Variants in ZPBP observed in about 807,000 individuals in gnomAD.
The protein encoded by ZPBP is zona pellucida-binding protein 1.
A neutral mutation model predicts 44.8 loss-of-function variants in ZPBP; 26 were observed. That is an observed-to-expected ratio of 0.58 (90% confidence interval 0.43 to 0.81). The LOEUF is 0.81. ZPBP is among the 30% of genes least tolerant of loss of function. ZPBP has a pLI of 0.00. For synonymous variants in ZPBP, 174 were observed against 153.2 expected (o/e 1.14, Z -1.00); for missense variants, 409 against 434.0 (o/e 0.94, Z 0.51).
At chr7:49,884,563 C>T (rs186647070) in intron 2 of ZPBP, among the ~76,000 whole-genome samples, 5 of 152,190 alleles carry the variant, frequency 3.3e-5, no homozygotes, top group African/African-American at 1.2e-4. Context: ...AGTTCTAAGA[C>T]AAATATAAAT....
At chr7:50,045,902 C>T (rs1303844686) in intron 4 of ZPBP, among the ~76,000 whole-genome samples, 1 of 152,096 alleles carries the variant, frequency 6.6e-6, no homozygotes, top group African/African-American at 2.4e-5. Flanking sequence ...AACTATACTA[C>T]AAGGCTACAG....
At chr7:50,064,542 G>A (rs112953073) in intron 3 of ZPBP, among the ~76,000 whole-genome samples, 6 of 152,250 alleles carry the variant, frequency 3.9e-5, no homozygotes, top group African/African-American at 1.2e-4. Flanking sequence ...CGCCCAGGGG[G>A]CCAGTTCAGA....
chr7:49,907,304 A>G (rs1383143803), intron 1 of ZPBP, among the ~76,000 whole-genome samples: 1 of 152,224 alleles, frequency 6.6e-6, no homozygotes, highest in Non-Finnish European at 1.5e-5. Flanking sequence ...ATGGGAACAG[A>G]TGGACCTGAC....
chr7:50,058,004 T>G lies in ZPBP; in HGVS notation c.472A>C (p.Lys158Gln). 2 of 1,611,218 alleles carry G rather than the reference T, an allele frequency of 1.2e-6. No individual in the cohort carries two copies. The highest frequency in any genetic ancestry group is 1.7e-6 in the Non-Finnish European group (2 of 1,178,680). ...TACTTCTTACCATATATAGCATATT[T>G]TAGTTGAAGACGTTTAACAATTTCT... ...VEEIVKRLQL[K>Q]YAIYAYREPH... The change falls in exon 4 of 8, where the codon AAA becomes CAA. Residue 158 changes from lysine to glutamine, a missense_variant. Physicochemically the swap from Lys to Gln is moderately conservative, Grantham distance 53. This residue lies in a region of ZPBP where 367 missense variants were observed against 363.1 expected (regional missense o/e 1.01). Coordinates refer to ENST00000046087, the MANE Select transcript of ZPBP (RefSeq NM_007009.3).
chr7:50,060,316 C>T (rs1238787797), intron 3 of ZPBP, among the ~76,000 whole-genome samples: 1 of 152,010 alleles, frequency 6.6e-6, no homozygotes, highest in Non-Finnish European at 1.5e-5. Context: ...AAAATCAGAG[C>T]TGAACTGAAC....
At chr7:49,875,168 G>A (rs1173757175) in intron 2 of ZPBP, among the ~76,000 whole-genome samples, 1 of 151,718 alleles carries the variant, frequency 6.6e-6, no homozygotes, top group African/African-American at 2.4e-5. Flanking sequence ...TCAGGAGTTC[G>A]AGACTAGCCT....
chr7:50,040,484 T>C (rs377479724), intron 4 of ZPBP, among the ~76,000 whole-genome samples: 1 of 152,156 alleles, frequency 6.6e-6, no homozygotes, highest in East Asian at 1.9e-4. Context: ...TCATTGGGAC[T>C]GGTTAGGCAG....
At chr7:50,071,712 G>A (rs1362370316) in intron 3 of ZPBP, among the ~76,000 whole-genome samples, 2 of 152,138 alleles carry the variant, frequency 1.3e-5, no homozygotes, top group African/African-American at 4.8e-5. Flanking sequence ...GGTCAGAGTT[G>A]TGATGTCCCC....
chr7:49,956,776 T>C (rs1795617425), intron 7 of ZPBP, among the ~76,000 whole-genome samples: 1 of 152,176 alleles, frequency 6.6e-6, no homozygotes, highest in South Asian at 2.1e-4. Flanking sequence ...ATAATTTTTT[T>C]TGTAAATACA....
chr7:50,017,832 C>T (rs1798890504), intron 6 of ZPBP, among the ~76,000 whole-genome samples: 1 of 151,992 alleles, frequency 6.6e-6, no homozygotes, highest in Admixed American at 6.6e-5. Context: ...GCATCATTTT[C>T]ACCCTAAGCA....
At chr7:50,007,027 G>C (rs1249943979) in intron 6 of ZPBP, among the ~76,000 whole-genome samples, 2 of 151,846 alleles carry the variant, frequency 1.3e-5, no homozygotes, top group Non-Finnish European at 2.9e-5. Context: ...AATGGGATTA[G>C]TGCCCTAATA....
chr7:49,877,481 A>AAAAAATATACAT, intron 2 of ZPBP, among the ~76,000 whole-genome samples: 284 of 12,728 alleles, frequency 0.022, 93 homozygotes, highest in Non-Finnish European at 0.033. Context: ...AAAAAAAAAA[A>AAAAAATATACAT]ATATATATAT....
chr7:50,016,537 C>T (rs974565471), intron 6 of ZPBP, among the ~76,000 whole-genome samples: 6 of 151,798 alleles, frequency 4.0e-5, no homozygotes, highest in African/African-American at 1.5e-4. Flanking sequence ...CACATGTACC[C>T]CCTGAATGTA....
chr7:49,851,700 A>G (rs1790184884), intron 2 of ZPBP, among the ~76,000 whole-genome samples: 1 of 152,180 alleles, frequency 6.6e-6, no homozygotes, highest in African/African-American at 2.4e-5. Flanking sequence ...TCTACTAAAA[A>G]TACAAAACTT....
chr7:50,049,608 T>C (rs902281272), intron 4 of ZPBP, among the ~76,000 whole-genome samples: 7 of 151,974 alleles, frequency 4.6e-5, no homozygotes, highest in Non-Finnish European at 1.0e-4. Context: ...AAATCCAACA[T>C]CCTTTCACAA....
chr7:49,962,053 G>A (rs774955337), intron 7 of ZPBP, among the ~76,000 whole-genome samples: 1 of 151,918 alleles, frequency 6.6e-6, no homozygotes, highest in Non-Finnish European at 1.5e-5. Flanking sequence ...TCCGTTGACA[G>A]CTTCAATGAA....
chr7:50,037,601 T>G (rs942238671), intron 4 of ZPBP, among the ~76,000 whole-genome samples: 10 of 152,038 alleles, frequency 6.6e-5, no homozygotes, highest in Non-Finnish European at 1.2e-4. Flanking sequence ...TCATGAGAAC[T>G]CACTATCACA....
chr7:50,082,263 G>GAC (rs1247808283), intron 2 of ZPBP, among the ~76,000 whole-genome samples: 2 of 151,696 alleles, frequency 1.3e-5, no homozygotes, highest in African/African-American at 2.4e-5. Flanking sequence ...GTTTTGTAAA[G>GAC]ACACCAAACA....
chr7:50,069,120 C>T (rs1372290142), intron 3 of ZPBP, among the ~76,000 whole-genome samples: 1 of 152,092 alleles, frequency 6.6e-6, no homozygotes, highest in Non-Finnish European at 1.5e-5. Flanking sequence ...TTCCCTGAGC[C>T]CTGATTTCTC....
Sources: allele counts gnomAD v4.1 joint callset (sites outside exome capture counted in the v4.1 genomes callset), GRCh38; gene constraint gnomAD v4.1.1; regional missense constraint gnomAD v4.1.1; transcripts MANE v1.5; gene names NCBI Gene and HGNC (gene_info 2026-07-23, HGNC 2026-07-21).